Variants in SCHIP1 observed in about 807,000 individuals in gnomAD.
SCHIP1 encodes the protein schwannomin interacting protein 1.
In SCHIP1, 8 loss-of-function variants were observed where a neutral mutation model predicts 29.7. The ratio of observed to expected loss-of-function variants is 0.27; its 90% CI spans 0.16 to 0.49. The LOEUF is 0.49. Among genes scored for constraint, SCHIP1 ranks in the 20% least tolerant of loss-of-function variants. The pLI, the probability that SCHIP1 is intolerant of heterozygous loss-of-function variation, is 0.99. For missense variants in SCHIP1, 193 were observed against 294.6 expected (o/e 0.66, Z 2.52); for synonymous variants, 76 against 94.9 (o/e 0.80, Z 1.16).
the SCHIP1 span, among the ~76,000 whole-genome samples, chr3:159,369,354 A>G: frequency 1.3e-5 from 2 of 152,136 alleles, no homozygotes; most frequent in African/African-American, 4.8e-5. Flanking sequence ...AATAATGCCA[A>G]TTTAGCAATA....
chr3:159,835,237 A>G (rs1225244084), upstream of SCHIP1, among the ~76,000 whole-genome samples: 1 of 152,200 alleles, frequency 6.6e-6, no homozygotes, highest in Non-Finnish European at 1.5e-5. Context: ...ACAGAATGGA[A>G]GGGGTTTTGG....
At chr3:159,561,813 G>C in the SCHIP1 span, among the ~76,000 whole-genome samples, 12 of 151,928 alleles carry the variant, frequency 7.9e-5, no homozygotes, top group Non-Finnish European at 1.5e-4. Flanking sequence ...CAAACAAAGG[G>C]ACAAATTAAC....
At chr3:159,430,335 C>T in the SCHIP1 span, among the ~76,000 whole-genome samples, 1 of 152,080 alleles carries the variant, frequency 6.6e-6, no homozygotes, top group African/African-American at 2.4e-5. Flanking sequence ...TTATGATGCA[C>T]AAAAATGGAG....
the SCHIP1 span, among the ~76,000 whole-genome samples, chr3:159,490,754 G>T: frequency 1.3e-5 from 2 of 152,122 alleles, no homozygotes; most frequent in Non-Finnish European, 2.9e-5. Context: ...AGGAAGCTGT[G>T]GGTTGTCCTA....
chr3:159,376,128 C>G, the SCHIP1 span, among the ~76,000 whole-genome samples: 2 of 152,052 alleles, frequency 1.3e-5, no homozygotes, highest in Non-Finnish European at 2.9e-5. Flanking sequence ...CCAAAAAGCC[C>G]TGTTAGGTAA....
chr3:159,892,349 A>T, intron 6 of SCHIP1, 159 bp downstream of exon 7: 1 of 774,152 alleles, frequency 1.3e-6, no homozygotes, highest in Non-Finnish European at 2.1e-6. Context: ...GGGGAAGCAG[A>T]ATTCCATTGT....
chr3:159,639,460 A>G, the SCHIP1 span, among the ~76,000 whole-genome samples: 1 of 151,878 alleles, frequency 6.6e-6, no homozygotes, highest in Non-Finnish European at 1.5e-5. Context: ...TACTCAATTC[A>G]TTTACTTGAT....
the SCHIP1 span, among the ~76,000 whole-genome samples, chr3:159,704,417 T>TAAAAATAAAA: frequency 8.6e-5 from 8 of 92,620 alleles, 1 homozygote; most frequent in African/African-American, 3.3e-4. Context: ...CAATTTTTTC[T>TAAAAATAAAA]AAAAAAAAAA....
At chr3:159,316,843 A>G in the SCHIP1 span, among the ~76,000 whole-genome samples, 1 of 152,218 alleles carries the variant, frequency 6.6e-6, no homozygotes, top group Non-Finnish European at 1.5e-5. Flanking sequence ...AAGTATATAC[A>G]TGCACAAACA....
At chr3:159,768,932 C>T in the SCHIP1 span, among the ~76,000 whole-genome samples, 1 of 152,366 alleles carries the variant, frequency 6.6e-6, no homozygotes. Context: ...GCAGCCCCTG[C>T]TCATCTGGTG....
the SCHIP1 span, among the ~76,000 whole-genome samples, chr3:159,398,198 C>CT: frequency 1.3e-5 from 2 of 152,156 alleles, no homozygotes; most frequent in Non-Finnish European, 2.9e-5. Context: ...ACACGGTGCG[C>CT]ACACCCACTG....
the SCHIP1 span, among the ~76,000 whole-genome samples, chr3:159,437,713 T>G: frequency 6.6e-6 from 1 of 152,138 alleles, no homozygotes; most frequent in Non-Finnish European, 1.5e-5. Context: ...CACAGTAAGC[T>G]GGATTCTTGC....
At chr3:159,572,591 CT>C in the SCHIP1 span, among the ~76,000 whole-genome samples, 2 of 152,268 alleles carry the variant, frequency 1.3e-5, no homozygotes, top group South Asian at 4.1e-4. Context: ...AATGTATATT[CT>C]GTTTATTTGG....
the SCHIP1 span, among the ~76,000 whole-genome samples, chr3:159,824,564 G>A: frequency 6.6e-6 from 1 of 152,208 alleles, no homozygotes; most frequent in Admixed American, 6.5e-5. Flanking sequence ...AGGTTCAGCA[G>A]GGCCAGACCT....
At chr3:159,755,122 C>T in the SCHIP1 span, among the ~76,000 whole-genome samples, 6 of 152,078 alleles carry the variant, frequency 3.9e-5, no homozygotes, top group African/African-American at 1.2e-4. Context: ...GTAGTCCCAG[C>T]TACTCGGGAG....
exon 7 of SCHIP1, chr3:159,896,878 C>A: frequency 1.6e-6 from 2 of 1,243,128 alleles, no homozygotes; most frequent in South Asian, 1.7e-5. Context: ...CAGTGTTAGT[C>A]ATTGATAATG....
At chr3:159,808,977 T>C in the SCHIP1 span, among the ~76,000 whole-genome samples, 3 of 113,436 alleles carry the variant, frequency 2.6e-5, no homozygotes, top group Non-Finnish European at 5.5e-5. Context: ...GAAACTTTTT[T>C]TTTCTTTCTT....
At chr3:159,495,938 G>A in the SCHIP1 span, among the ~76,000 whole-genome samples, 3 of 152,254 alleles carry the variant, frequency 2.0e-5, no homozygotes, top group East Asian at 5.8e-4. Context: ...AGAGCCCTCA[G>A]AAATAATGCC....
chr3:159,356,965 T>C, the SCHIP1 span, among the ~76,000 whole-genome samples: 7 of 152,222 alleles, frequency 4.6e-5, no homozygotes, highest in Non-Finnish European at 8.8e-5. Flanking sequence ...TTAAACTAAA[T>C]TGAATATCCA....
Sources: allele counts gnomAD v4.1 joint callset (sites outside exome capture counted in the v4.1 genomes callset), GRCh38; gene constraint gnomAD v4.1.1; transcripts MANE v1.5; gene names NCBI Gene and HGNC (gene_info 2026-07-23, HGNC 2026-07-21).